Variants in PACRGL observed in about 807,000 individuals in gnomAD.
PACRGL encodes parkin coregulated like.
A neutral mutation model predicts 34.5 loss-of-function variants in PACRGL; 38 were observed. That is an observed-to-expected ratio of 1.10 (90% CI 0.85 to 1.44). The LOEUF is 1.44. Among genes scored for constraint, PACRGL ranks in the 40% most tolerant of loss-of-function variants. The pLI is 0.00. For synonymous variants in PACRGL, 128 were observed against 100.1 expected (o/e 1.28, Z -1.66); for missense variants, 305 against 281.4 (o/e 1.08, Z -0.60).
chr4:20,741,210 A>C (rs1258270500), intron 8 of PACRGL, among the ~76,000 whole-genome samples: 2 of 152,224 alleles, frequency 1.3e-5, no homozygotes, highest in East Asian at 3.9e-4. Context: ...TCAGCTCTGC[A>C]GCAAGCGGAC....
downstream of PACRGL, among the ~76,000 whole-genome samples, chr4:20,736,113 G>C (rs893590335): frequency 6.6e-6 from 1 of 151,952 alleles, no homozygotes; most frequent in African/African-American, 2.4e-5. Context: ...TCCCTTCCTG[G>C]ACCCAGCCAC....
At chr4:20,736,165 A>G (rs764788867), downstream of PACRGL, among the ~76,000 whole-genome samples, 26 of 152,130 alleles carry the variant, frequency 1.7e-4, no homozygotes, top group Non-Finnish European at 2.8e-4. Context: ...AATAGTTTGT[A>G]TTTACTTCCA....
chr4:20,709,869 C>A, intron 5 of PACRGL, 96 bp downstream of exon 5: 3 of 1,043,214 alleles, frequency 2.9e-6, no homozygotes, highest in Admixed American at 2.0e-5. Flanking sequence ...TCATTCTATG[C>A]CTTTGAAAAA....
At chr4:20,757,366 C>A (rs1754568621), downstream of PACRGL, among the ~76,000 whole-genome samples, 1 of 152,136 alleles carries the variant, frequency 6.6e-6, no homozygotes, top group South Asian at 2.1e-4. Context: ...AGTTAATCTT[C>A]CACTGACCTA....
chr4:20,745,142 C>T (rs1348487792), intron 8 of PACRGL, among the ~76,000 whole-genome samples: 1 of 152,174 alleles, frequency 6.6e-6, no homozygotes, highest in Non-Finnish European at 1.5e-5. Context: ...TGCAGCCCTA[C>T]AGGGTCCCAC....
chr4:20,753,095 G>T (rs2149348200), downstream of PACRGL, among the ~76,000 whole-genome samples: 1 of 152,236 alleles, frequency 6.6e-6, no homozygotes, highest in African/African-American at 2.4e-5. Flanking sequence ...TAAATGTTGA[G>T]ATTTTATAGT....
In PACRGL at chr4:20,730,196, C is replaced by CCTGAGTATT. The variant is rs1747661166; in HGVS notation, c.*2856_*2864dup. On this transcript the variant is annotated 3_prime_UTR_variant, in exon 9 of 9. Coordinates refer to ENST00000503585, the MANE Select transcript of PACRGL (RefSeq NM_001258345.3). ...GCAAGGAAAAGTACACTATTTTGCC[C>CCTGAGTATT]CTGAGTATTGCCTCCTCCCATCAAC... is the stretch of plus-strand genomic sequence containing the variant. 2.0e-6 allele frequency: 3 copies of CCTGAGTATT among 1,517,364 alleles called. 1 individual carries two copies. In the East Asian group the frequency reaches 7.2e-5, roughly 36 times the overall value. 94.0% of individuals were successfully genotyped at this position (1,517,364 alleles called of 1,614,324 possible).
rs150659578 is a variant in PACRGL at position 20,746,314 on chromosome 4, T to C, written c.*57-6251T>C. Among the ~76,000 whole-genome samples, 341 of 152,038 alleles carry C rather than the reference T, an allele frequency of 2.2e-3. 3 individuals are homozygous for C. Among genetic ancestry groups the C allele is most frequent in the African/African-American group, 8.0e-3 (330 of 41,468 alleles). Reference sequence around the variant, plus strand: ...GCATGTTCTCACTCATAGCTGGGAATTGAACAATGAGAACACACGGACATA... The same window carrying C: ...GCATGTTCTCACTCATAGCTGGGAACTGAACAATGAGAACACACGGACATA... On this transcript the variant is annotated intron_variant, in intron 8 of 8. Transcript: ENST00000507634.
At chr4:20,765,837 G>C in the PACRGL span, among the ~76,000 whole-genome samples, 1 of 152,122 alleles carries the variant, frequency 6.6e-6, no homozygotes, top group Non-Finnish European at 1.5e-5. Context: ...TCGCCTTTTG[G>C]GGCCTTACTG....
chr4:20,704,615 T>TTATTGCTTGTACCTGGTTTC, intron 2 of PACRGL, 45 bp from the exon 3 acceptor site: 1 of 1,613,506 alleles, frequency 6.2e-7, no homozygotes, highest in African/African-American at 1.3e-5. Context: ...AGGGTGAACT[T>TTATTGCTTGTACCTGGTTTC]TATTGCTTGT....
chr4:20,731,652 GAT>G lies in PACRGL; in HGVS notation c.*4314_*4315del. ...TATCTAGGAATTCTAATGCTGTGGA[GAT>G]ATGATAGATAATATATGAGTGATGC... On this transcript the variant is annotated 3_prime_UTR_variant, in exon 9 of 9. Transcript: ENST00000503585. 6.1e-6 allele frequency: 6 copies of G among 985,196 alleles called. No individual in the cohort carries two copies. Among genetic ancestry groups the G allele is most frequent in the Non-Finnish European group, 6.0e-6 (5 of 829,772 alleles). The allele number at this position is 985,196 out of a possible 1,614,324, so 61.0% of individuals were successfully genotyped here. A position where few individuals can be genotyped will look rare whatever the true frequency, so the allele number is the denominator to read the frequency against.
chr4:20,701,152 T>C (rs1731995992), intron 1 of PACRGL, among the ~76,000 whole-genome samples: 1 of 152,192 alleles, frequency 6.6e-6, no homozygotes, highest in African/African-American at 2.4e-5. Context: ...AAAGCAGGGC[T>C]CTGCTGACTG....
At chr4:20,716,129 T>G (rs745589575) in intron 7 of PACRGL, 653 of 1,509,094 alleles carry the variant, frequency 4.3e-4, no homozygotes, top group Non-Finnish European at 5.5e-4. Flanking sequence ...CTCATGAGGT[T>G]CCCAAGACCA....
chr4:20,697,334 A>G (rs1298021888), upstream of PACRGL, among the ~76,000 whole-genome samples: 1 of 152,222 alleles, frequency 6.6e-6, no homozygotes, highest in Admixed American at 6.5e-5. Context: ...AATTAAGACA[A>G]TATTTTCTTA....
chr4:20,759,810 G>A, the PACRGL span, among the ~76,000 whole-genome samples: 1 of 152,108 alleles, frequency 6.6e-6, no homozygotes, highest in Non-Finnish European at 1.5e-5. Context: ...CCCCTTGAGT[G>A]GTGGAGACTG....
At position 20,730,254 on chromosome 4, in the gene PACRGL, T is replaced by G. The variant is rs1262075798; in HGVS notation, c.*2913T>G. On this transcript the variant is annotated 3_prime_UTR_variant, in exon 9 of 9. Transcript: ENST00000503585. ...ACCACCTATGCCAAAAGCTCAAATATTAAGTGTTTGCAAATGTAAATGCCA... is the reference window on the plus strand; with the variant it reads ...ACCACCTATGCCAAAAGCTCAAATAGTAAGTGTTTGCAAATGTAAATGCCA... 8.1e-7 allele frequency: 1 copy of G among 1,231,230 alleles called. No individual in the cohort carries two copies. The allele number at this position is 1,231,230 out of a possible 1,614,324, so 76.3% of individuals were successfully genotyped here. A position where few individuals can be genotyped will look rare whatever the true frequency, so the allele number is the denominator to read the frequency against.
intron 8 of PACRGL, among the ~76,000 whole-genome samples, chr4:20,748,295 C>G (rs150975300): frequency 3.9e-5 from 6 of 152,114 alleles, no homozygotes; most frequent in Non-Finnish European, 7.4e-5. Flanking sequence ...GCCTGATATA[C>G]TCTGTCCAGC....
At position 20,732,070 on chromosome 4, in the gene PACRGL, TG is replaced by T. The variant is rs759973765; in HGVS notation, c.*4730del. The T allele has an allele frequency of 3.8e-6, 6 of 1,586,716 alleles. No homozygotes were observed. Among genetic ancestry groups the T allele is most frequent in the Non-Finnish European group, 4.3e-6 (5 of 1,169,072 alleles). ...CCCATCTTTATTTTTGTCCATTTTC[TG>T]TTCAGGAAGAAAACAAAAATTGTAT... On this transcript the variant is annotated 3_prime_UTR_variant, in exon 9 of 9. Transcript: ENST00000503585.
At chr4:20,733,501 TTTAC>T (rs1748853108), downstream of PACRGL, among the ~76,000 whole-genome samples, 1 of 152,174 alleles carries the variant, frequency 6.6e-6, no homozygotes, top group Non-Finnish European at 1.5e-5. Flanking sequence ...CGAATATATA[TTTAC>T]TTTTAAGAGT....
Sources: gnomAD v4.1 joint callset for allele counts (sites outside exome capture counted in the v4.1 genomes callset) on GRCh38, gnomAD v4.1.1 for gene constraint, MANE v1.5 for transcripts, NCBI Gene and HGNC (gene_info 2026-07-23, HGNC 2026-07-21) for gene names.